Variants in CCSER1 observed in about 807,000 individuals in gnomAD.
CCSER1 encodes serine-rich coiled-coil domain-containing protein 1.
Under a neutral mutation model 82.0 loss-of-function variants are expected in CCSER1, and 41 were observed. The observed-to-expected ratio is 0.50, with a 90% CI of 0.39 to 0.65. The LOEUF (loss-of-function observed/expected upper bound fraction) is 0.65. CCSER1 is among the 30% of genes least tolerant of loss of function. The probability of loss-of-function intolerance (pLI) is 0.00; values close to 1 mark genes in which losing one functional copy is unlikely to be tolerated. For synonymous variants in CCSER1, 414 were observed against 383.9 expected (o/e 1.08, Z -0.92); for missense variants, 1,119 against 1,064.2 (o/e 1.05, Z -0.72).
rs138592789 is a variant in CCSER1 at position 90,262,617 on chromosome 4, G to A, written c.-41-45627G>A. The stretch of plus-strand genomic sequence containing the variant: ...CAGTTGTTGCTAAAGCCAGTGGGTA[G>A]ATGCAATACCCAATGGTGGGCAGGG... On this transcript the variant is annotated intron_variant, in intron 1 of 10. Coordinates refer to ENST00000509176, the MANE Select transcript of CCSER1 (RefSeq NM_001145065.2). Among the ~76,000 whole-genome samples, 23 of 152,288 alleles carry A rather than the reference G, an allele frequency of 1.5e-4. No homozygotes were observed. In the East Asian group the frequency reaches 4.2e-3, roughly 28 times the overall value.
At chr4:91,516,728 C>G (rs1037551654) in intron 10 of CCSER1, among the ~76,000 whole-genome samples, 21 of 152,018 alleles carry the variant, frequency 1.4e-4, no homozygotes, top group African/African-American at 5.1e-4. Flanking sequence ...ATAGTTTTTT[C>G]TAGTTCTGTG....
chr4:90,475,868 C>A (rs1765002115), intron 5 of CCSER1, among the ~76,000 whole-genome samples: 1 of 152,148 alleles, frequency 6.6e-6, no homozygotes, highest in Non-Finnish European at 1.5e-5. Flanking sequence ...CTTAAAGCTC[C>A]TCTGACCGAG....
chr4:90,767,181 A>C (rs1201473420), intron 7 of CCSER1, among the ~76,000 whole-genome samples: 1 of 152,220 alleles, frequency 6.6e-6, no homozygotes, highest in Non-Finnish European at 1.5e-5. Flanking sequence ...AAGATATGGC[A>C]TAACAGATTC....
rs147618790 is a variant in CCSER1, at chr4:90,422,831, G to C, written c.1603+22702G>C. ...GTTTAGATGGAAAGAAATCTCTCAT[G>C]AACTAAAATATTTTCAAACTTTGTC... On this transcript the variant is annotated intron_variant, in intron 4 of 10. Coordinates refer to ENST00000509176, the MANE Select transcript of CCSER1 (RefSeq NM_001145065.2). Among the ~76,000 whole-genome samples the C allele has an allele frequency of 4.3e-3, 654 of 152,204 alleles. 6 individuals are homozygous for C. The highest frequency in any genetic ancestry group is 0.015 in the African/African-American group (633 of 41,480).
intron 3 of CCSER1, among the ~76,000 whole-genome samples, chr4:90,330,539 G>A (rs1467984178): frequency 6.6e-6 from 1 of 152,094 alleles, no homozygotes; most frequent in Non-Finnish European, 1.5e-5. Context: ...AGAGTACATT[G>A]ATGCTAAAGC....
At chr4:90,826,420 T>C (rs533051706) in intron 8 of CCSER1, among the ~76,000 whole-genome samples, 11 of 152,310 alleles carry the variant, frequency 7.2e-5, no homozygotes, top group African/African-American at 2.2e-4. Flanking sequence ...AGTGTTAACA[T>C]GATGAAGGAG....
intron 10 of CCSER1, among the ~76,000 whole-genome samples, chr4:91,528,628 A>G (rs1760883989): frequency 6.6e-6 from 1 of 152,186 alleles, no homozygotes; most frequent in Admixed American, 6.5e-5. Context: ...CACATATTAG[A>G]GACAATATGT....
At chr4:91,520,999 T>A (rs1364179806) in intron 10 of CCSER1, among the ~76,000 whole-genome samples, 1 of 88,388 alleles carries the variant, frequency 1.1e-5, no homozygotes, top group Non-Finnish European at 2.4e-5. Context: ...AACTCGTCAT[T>A]TACATTAGGT....
At chr4:91,198,601 CATA>C (rs1188902209) in intron 10 of CCSER1, among the ~76,000 whole-genome samples, 3 of 152,072 alleles carry the variant, frequency 2.0e-5, no homozygotes, top group Non-Finnish European at 4.4e-5. Flanking sequence ...ATATACATCA[CATA>C]ATCATAGAGC....
At position 91,137,815 on chromosome 4, in the gene CCSER1, T is replaced by C. The variant is rs527671406; in HGVS notation, c.2217+51821T>C. On this transcript the variant is annotated intron_variant, in intron 10 of 10. Transcript: ENST00000509176. ...AACAGACAAACAGAGAGCCAAATCA[T>C]GAGTGAAATCCCATTCACAATTGCT... Among the ~76,000 whole-genome samples, 618 of 151,316 alleles carry C rather than the reference T, an allele frequency of 4.1e-3. 4 individuals carry two copies. Among genetic ancestry groups the C allele is most frequent in the African/African-American group, 0.014 (579 of 41,202 alleles).
At chr4:90,421,926 AG>A (rs1185911956) in intron 4 of CCSER1, among the ~76,000 whole-genome samples, 1 of 152,176 alleles carries the variant, frequency 6.6e-6, no homozygotes, top group African/African-American at 2.4e-5. Flanking sequence ...GTGATGTTAA[AG>A]TAGACAGTCT....
intron 5 of CCSER1, among the ~76,000 whole-genome samples, chr4:90,600,884 T>C (rs1783955512): frequency 6.6e-6 from 1 of 151,986 alleles, no homozygotes; most frequent in African/African-American, 2.4e-5. Context: ...ATAAGCAATA[T>C]TTTTTAGTTT....
chr4:91,364,162 C>T (rs1470824452), intron 10 of CCSER1, among the ~76,000 whole-genome samples: 3 of 151,900 alleles, frequency 2.0e-5, no homozygotes, highest in Non-Finnish European at 4.4e-5. Flanking sequence ...AATAATTATA[C>T]TTTGATTTAT....
At chr4:91,317,523 T>C (rs1480940942) in intron 10 of CCSER1, among the ~76,000 whole-genome samples, 1 of 151,964 alleles carries the variant, frequency 6.6e-6, no homozygotes, top group Admixed American at 6.6e-5. Flanking sequence ...TTGTCAGCTT[T>C]GCCTGGAAAA....
chr4:90,342,082 G>A (rs1741478961), intron 3 of CCSER1, among the ~76,000 whole-genome samples: 1 of 152,096 alleles, frequency 6.6e-6, no homozygotes, highest in Non-Finnish European at 1.5e-5. Flanking sequence ...TATTTAATAA[G>A]ACAATTATTT....
rs181873951 is a variant in CCSER1, at chr4:90,744,137, G to T, written c.2010+20146G>T. Among the ~76,000 whole-genome samples the T allele has an allele frequency of 5.4e-4, 83 of 152,304 alleles. No homozygotes were observed. The East Asian group carries it at 6.8e-3, about 12-fold the overall frequency. On this transcript the variant is annotated intron_variant, in intron 7 of 10. Transcript: ENST00000509176. Reference sequence around the variant, plus strand: ...GGGAATAGTGACACTGGTTGTATTTGCACACGGCCTGGAAAAGTGCAAAGT... The same window carrying T: ...GGGAATAGTGACACTGGTTGTATTTTCACACGGCCTGGAAAAGTGCAAAGT...
At chr4:91,467,140 A>G (rs1756961128) in intron 10 of CCSER1, among the ~76,000 whole-genome samples, 1 of 152,168 alleles carries the variant, frequency 6.6e-6, no homozygotes. Context: ...ACAGCATGGT[A>G]CTGGTACCAA....
chr4:90,214,885 A>G (rs1740739886), intron 1 of CCSER1, among the ~76,000 whole-genome samples: 2 of 152,296 alleles, frequency 1.3e-5, no homozygotes, highest in African/African-American at 4.8e-5. Context: ...GGAATGTTAC[A>G]TTTTATTCTA....
At chr4:91,310,716 G>A (rs570871373) in intron 10 of CCSER1, among the ~76,000 whole-genome samples, 2 of 151,876 alleles carry the variant, frequency 1.3e-5, no homozygotes, top group Non-Finnish European at 2.9e-5. Context: ...CCATCAGAAG[G>A]CTGACAGGAG....
Sources: allele counts gnomAD v4.1 joint callset (sites outside exome capture counted in the v4.1 genomes callset), GRCh38; gene constraint gnomAD v4.1.1; transcripts MANE v1.5; gene names NCBI Gene and HGNC (gene_info 2026-07-23, HGNC 2026-07-21).